Variants in HORMAD2 observed in about 807,000 individuals in gnomAD.
HORMAD2 encodes the protein HORMA domain containing 2, also known as HORMA domain-containing protein 2.
Under a neutral mutation model 38.8 loss-of-function variants are expected in HORMAD2, and 45 were observed. The ratio of observed to expected loss-of-function variants is 1.16; its 90% CI spans 0.91 to 1.49. The LOEUF is 1.49. HORMAD2 is among the 40% of genes most tolerant of loss of function. HORMAD2 has a pLI of 0.00. For missense variants in HORMAD2, 338 were observed against 367.0 expected (o/e 0.92, Z 0.65); for synonymous variants, 126 against 122.8 (o/e 1.03, Z -0.17).
At chr22:30,154,352 A>C (rs1924937628) in intron 10 of HORMAD2, among the ~76,000 whole-genome samples, 2 of 152,232 alleles carry the variant, frequency 1.3e-5, no homozygotes, top group Non-Finnish European at 2.9e-5. Context: ...GCTTACAGAA[A>C]ACCTGCAAGT....
the HORMAD2 span, among the ~76,000 whole-genome samples, chr22:30,197,131 G>A: frequency 5.3e-5 from 8 of 152,188 alleles, no homozygotes; most frequent in South Asian, 1.7e-3. Context: ...TCCCTAGAGG[G>A]AGTGCTGGGT....
intron 10 of HORMAD2, among the ~76,000 whole-genome samples, chr22:30,162,309 G>A (rs1025723243): frequency 5.8e-5 from 7 of 120,262 alleles, no homozygotes; most frequent in South Asian, 3.4e-4. Context: ...GTGAGACCCC[G>A]TCTCAAAATA....
chr22:30,199,113 C>T, the HORMAD2 span, among the ~76,000 whole-genome samples: 1 of 152,180 alleles, frequency 6.6e-6, no homozygotes, highest in African/African-American at 2.4e-5. Flanking sequence ...GTTTCCCCAA[C>T]CTAATTTTGT....
chr22:30,094,153 C>G (rs151080937), intron 2 of HORMAD2, 150 bp downstream of exon 2: 2 of 554,500 alleles, frequency 3.6e-6, no homozygotes, highest in Non-Finnish European at 6.3e-6. Flanking sequence ...TACATTTTAA[C>G]TGCCTAATAG....
rs568938584 is a variant in HORMAD2 at position 30,166,212 on chromosome 22, A to G, written c.820-9851A>G. 3.9e-4 allele frequency among the ~76,000 whole-genome samples: 60 copies of G among 152,188 alleles called. 1 individual carries two copies. In the South Asian group the frequency reaches 0.012, roughly 32 times the overall value. On this transcript the variant is annotated intron_variant, in intron 10 of 10. Transcript: ENST00000336726. ...TATAATAATATGCCTTTGTGTTTTGAGGAAACATTATTTCTAGTATCTATA... is the reference window on the plus strand; with the variant it reads ...TATAATAATATGCCTTTGTGTTTTGGGGAAACATTATTTCTAGTATCTATA...
At chr22:30,129,972 T>C (rs1923162239) in intron 10 of HORMAD2, among the ~76,000 whole-genome samples, 2 of 152,212 alleles carry the variant, frequency 1.3e-5, no homozygotes, top group South Asian at 4.1e-4. Context: ...GTATCCTACA[T>C]GGCTTTGCTG....
intron 10 of HORMAD2, among the ~76,000 whole-genome samples, chr22:30,148,993 G>T (rs1924588555): frequency 6.6e-6 from 1 of 151,972 alleles, no homozygotes. Context: ...AAAAAAATTA[G>T]ACAAAATAAT....
Position 30,176,551 on chromosome 22 carries a change from C to T in HORMAD2, c.*384C>T, listed in dbSNP as rs1462764541. 5.5e-6 allele frequency: 1 copy of T among 182,644 alleles called. No homozygotes were observed. Among genetic ancestry groups the T allele is most frequent in the Non-Finnish European group, 1.2e-5 (1 of 85,776 alleles). The allele number at this position is 182,644 out of a possible 1,614,324, so 11.3% of individuals were successfully genotyped here. On this transcript the variant is annotated 3_prime_UTR_variant, in exon 11 of 11. Transcript: ENST00000336726. ...TTTAGACTACTGTGAAATGTTTTGA[C>T]TTGTTGTAACCTGTATACTGGAATC...
intron 10 of HORMAD2, among the ~76,000 whole-genome samples, chr22:30,155,743 G>A (rs1168232081): frequency 6.6e-6 from 1 of 152,142 alleles, no homozygotes; most frequent in East Asian, 1.9e-4. Context: ...ATCCAATGCT[G>A]TAGAATTCAT....
intron 10 of HORMAD2, among the ~76,000 whole-genome samples, chr22:30,126,327 C>T (rs1447127598): frequency 6.6e-6 from 1 of 152,102 alleles, no homozygotes; most frequent in East Asian, 1.9e-4. Context: ...CGCCACCACA[C>T]CGCCTAATTT....
chr22:30,175,966 C>G, intron 10 of HORMAD2, 97 bp from the exon 11 acceptor site: 1 of 793,068 alleles, frequency 1.3e-6, no homozygotes, highest in South Asian at 1.6e-5. Flanking sequence ...CGTTATGCAG[C>G]TTGAGGGATT....
At chr22:30,095,585 A>G (rs575453163) in intron 2 of HORMAD2, among the ~76,000 whole-genome samples, 1 of 152,306 alleles carries the variant, frequency 6.6e-6, no homozygotes, top group Admixed American at 6.5e-5. Context: ...TAAGAGTGAT[A>G]CAGAATGTAA....
chr22:30,173,053 T>A (rs778121795), intron 10 of HORMAD2, among the ~76,000 whole-genome samples: 1 of 152,134 alleles, frequency 6.6e-6, no homozygotes, highest in Non-Finnish European at 1.5e-5. Flanking sequence ...ACTATGGAAC[T>A]GCCCCTGAAC....
At chr22:30,093,661 C>T (rs1002645815) in intron 1 of HORMAD2, among the ~76,000 whole-genome samples, 2 of 151,978 alleles carry the variant, frequency 1.3e-5, no homozygotes, top group African/African-American at 4.8e-5. Context: ...GTACTTTTTT[C>T]AACTCAAATT....
chr22:30,122,123 AT>A lies in HORMAD2; in HGVS notation c.731del (p.Leu244TrpfsTer19). 1 of 1,613,742 alleles carries A rather than the reference AT, an allele frequency of 6.2e-7. No individual in the cohort carries two copies. Among genetic ancestry groups the A allele is most frequent in the Non-Finnish European group, 8.5e-7 (1 of 1,179,752 alleles). ...KVMTEATKVI[D>X]LENNLFRENS... ...ATGACAGAGGCTACAAAAGTGATTG[AT>A]TTGGAGAACAATCTGTTTCGGGAGA... On this transcript the variant is annotated frameshift_variant, in exon 10 of 11. Transcript: ENST00000336726. LOFTEE classifies it high-confidence loss of function.
intron 10 of HORMAD2, among the ~76,000 whole-genome samples, chr22:30,149,321 G>A (rs1022487096): frequency 1.3e-5 from 2 of 152,014 alleles, no homozygotes; most frequent in Non-Finnish European, 2.9e-5. Context: ...CTAACCACAT[G>A]GCTACTAGAA....
intron 10 of HORMAD2, among the ~76,000 whole-genome samples, chr22:30,140,139 C>G (rs1261649282): frequency 6.6e-6 from 1 of 152,058 alleles, no homozygotes; most frequent in Non-Finnish European, 1.5e-5. Flanking sequence ...TGGTACACAC[C>G]TGTAATCCCA....
intron 10 of HORMAD2, among the ~76,000 whole-genome samples, chr22:30,132,552 AC>A (rs997944908): frequency 7.2e-5 from 11 of 151,860 alleles, no homozygotes; most frequent in African/African-American, 2.7e-4. Context: ...AAAAAAAAAA[AC>A]AAAACCAAAA....
intron 10 of HORMAD2, among the ~76,000 whole-genome samples, chr22:30,126,546 C>T (rs1476439434): frequency 6.6e-6 from 1 of 152,122 alleles, no homozygotes; most frequent in Non-Finnish European, 1.5e-5. Flanking sequence ...ACCATCCTGA[C>T]AATTTATTCA....
Sources: gnomAD v4.1 joint callset for allele counts (sites outside exome capture counted in the v4.1 genomes callset) on GRCh38, gnomAD v4.1.1 for gene constraint, MANE v1.5 for transcripts, NCBI Gene and HGNC (gene_info 2026-07-23, HGNC 2026-07-21) for gene names.